The following SAXO1 variants were observed in gnomAD, a reference collection of about 807,000 sequenced individuals.
The protein encoded by SAXO1 is stabilizer of axonemal microtubules 1, also known as 4930500O09Rik.
In SAXO1, 21 loss-of-function variants were observed where a neutral mutation model predicts 17.5. The ratio of observed to expected loss-of-function variants is 1.20; its 90% CI spans 0.85 to 1.72. The LOEUF is 1.72. Among genes scored for constraint, SAXO1 ranks in the 40% most tolerant of loss-of-function variants. SAXO1 has a pLI of 0.00. For synonymous variants in SAXO1, 274 were observed against 216.5 expected (o/e 1.27, Z -2.33); for missense variants, 843 against 596.0 (o/e 1.41, Z -4.32).
chr9:18,972,558 CA>C (rs1481244660), intron 1 of SAXO1, among the ~76,000 whole-genome samples: 1 of 152,028 alleles, frequency 6.6e-6, no homozygotes, highest in Non-Finnish European at 1.5e-5. Context: ...AGAAGGTCTA[CA>C]AAAAAACTCA....
chr9:18,990,441 T>C (rs10757013), intron 1 of SAXO1, among the ~76,000 whole-genome samples: 88,907 of 151,380 alleles, frequency 0.59, 26,206 homozygotes, highest in Non-Finnish European at 0.64. Context: ...CACCGTGGCT[T>C]ATGCCTATAA....
chr9:18,981,445 C>A (rs1293784253), intron 1 of SAXO1, among the ~76,000 whole-genome samples: 2 of 152,200 alleles, frequency 1.3e-5, no homozygotes, highest in East Asian at 3.9e-4. Flanking sequence ...CCCTTACCCC[C>A]TTTTCCAGAG....
In SAXO1 at chr9:19,032,497, G is replaced by A. The variant is rs73435304; in HGVS notation, c.38+374C>T. Among the ~76,000 whole-genome samples, 1,465 of 152,290 alleles carry A rather than the reference G, an allele frequency of 9.6e-3. 25 individuals are homozygous for A. The highest frequency in any genetic ancestry group is 0.033 in the African/African-American group (1,372 of 41,554). The stretch of plus-strand genomic sequence containing the variant: ...AATGAGAAATTCAGTTATACTACAG[G>A]AATTCTCCTCCCATCCTATCACTTT... On this transcript the variant is annotated intron_variant, in intron 1 of 3. Transcript: ENST00000380534.
rs71333077 is a variant in SAXO1, at chr9:19,024,012, CTTTTTTTTTTTT to C, written c.38+8847_38+8858del. ...GAAGAAGAAATGCTACTCTTTAAGG[CTTTTTTTTTTTT>C]TTTTTTTTTTTTTTTTTTGCGGGGG... is the stretch of plus-strand genomic sequence containing the variant. On this transcript the variant is annotated intron_variant, in intron 1 of 3. Transcript: ENST00000380534. Among the ~76,000 whole-genome samples, 269 of 38,128 alleles carry C rather than the reference CTTTTTTTTTTTT, an allele frequency of 7.1e-3. 2 individuals carry two copies. In the South Asian group the frequency reaches 0.083, roughly 12 times the overall value. The allele number at this position is 38,128 out of a possible 152,430, so 25.0% of individuals were successfully genotyped here. A position where few individuals can be genotyped will look rare whatever the true frequency, so the allele number is the denominator to read the frequency against.
chr9:18,946,089 C>A (rs1831781892), intron 2 of SAXO1, among the ~76,000 whole-genome samples: 1 of 151,924 alleles, frequency 6.6e-6, no homozygotes. Flanking sequence ...CCAGCCTGAC[C>A]AACATGGAGA....
intron 1 of SAXO1, among the ~76,000 whole-genome samples, chr9:18,977,490 A>G (rs1262515908): frequency 6.6e-6 from 1 of 152,150 alleles, no homozygotes. Flanking sequence ...ATCATCCAAG[A>G]TCTTTCGTTC....
chr9:19,038,823 A>C (rs1836008956), intron 1 of SAXO1, among the ~76,000 whole-genome samples: 1 of 152,098 alleles, frequency 6.6e-6, no homozygotes, highest in South Asian at 2.1e-4. Context: ...AGGGTGAGGC[A>C]AAGCCTTTAA....
intron 1 of SAXO1, among the ~76,000 whole-genome samples, chr9:19,003,143 A>C (rs904816453): frequency 6.6e-6 from 1 of 152,222 alleles, no homozygotes; most frequent in Non-Finnish European, 1.5e-5. Context: ...CCCATTCACT[A>C]TTACTACAAA....
At chr9:18,964,418 G>A (rs903385030) in intron 1 of SAXO1, among the ~76,000 whole-genome samples, 5 of 152,170 alleles carry the variant, frequency 3.3e-5, no homozygotes, top group Admixed American at 1.3e-4. Flanking sequence ...TTTTTTGGTT[G>A]GTGGACTATT....
intron 1 of SAXO1, chr9:19,028,210 C>G (rs1398859997): frequency 2.9e-6 from 3 of 1,035,190 alleles, no homozygotes; most frequent in East Asian, 2.6e-5. Context: ...TAAAACAAAA[C>G]AAAAAAAATA....
chr9:19,001,914 T>G (rs554598269), intron 1 of SAXO1, among the ~76,000 whole-genome samples: 5 of 142,200 alleles, frequency 3.5e-5, no homozygotes, highest in African/African-American at 1.0e-4. Flanking sequence ...ATGAAGGAGA[T>G]AGAGACACAA....
At chr9:18,982,490 C>T (rs550686240) in intron 1 of SAXO1, among the ~76,000 whole-genome samples, 61 of 152,234 alleles carry the variant, frequency 4.0e-4, no homozygotes, top group African/African-American at 1.4e-3. Flanking sequence ...CAAAAGGACC[C>T]GGGACAAGAG....
chr9:19,030,083 C>T (rs967742014), intron 1 of SAXO1, among the ~76,000 whole-genome samples: 13 of 152,052 alleles, frequency 8.5e-5, no homozygotes, highest in Admixed American at 6.6e-4. Context: ...TGATGGGGAG[C>T]CACAGGGCTG....
At chr9:18,980,916 T>C (rs1296903460) in intron 1 of SAXO1, among the ~76,000 whole-genome samples, 3 of 152,158 alleles carry the variant, frequency 2.0e-5, no homozygotes, top group South Asian at 2.1e-4. Context: ...CTCCATTTTT[T>C]ACATTGTCGG....
Position 18,928,830 on chromosome 9 carries a change from A to T in SAXO1, c.647T>A (p.Val216Glu). ...TGCTTCATGCACAAAGCGCTTCTCC[A>T]CGGGGTGGGCCACATAGCTCATCTT... ...NYKMSYVAHP[V>E]EKRFVHEAEK... is the part of the protein sequence containing the mutation. The change falls in exon 4 of 4, where the codon GTG (valine) becomes GAG (glutamate). Residue 216 changes from valine to glutamate, a missense_variant. By Grantham distance (121) the Val-to-Glu change is moderately radical (BLOSUM62 -2). Coordinates refer to ENST00000380534, the MANE Select transcript of SAXO1 (RefSeq NM_153707.4). The T allele has an allele frequency of 6.2e-7, 1 of 1,614,034 alleles. No individual in the cohort carries two copies.
At chr9:18,938,087 C>T (rs1831372889) in intron 3 of SAXO1, among the ~76,000 whole-genome samples, 1 of 152,148 alleles carries the variant, frequency 6.6e-6, no homozygotes, top group Admixed American at 6.5e-5. Context: ...CTATGCATGC[C>T]TGGTTCTGAG....
At chr9:18,954,070 T>A (rs1832143992) in intron 1 of SAXO1, among the ~76,000 whole-genome samples, 1 of 152,084 alleles carries the variant, frequency 6.6e-6, no homozygotes, top group Admixed American at 6.5e-5. Context: ...CTCAGGTACA[T>A]CCACAGACAT....
intron 1 of SAXO1, among the ~76,000 whole-genome samples, chr9:19,019,852 G>T (rs1835151389): frequency 6.6e-6 from 1 of 152,018 alleles, no homozygotes; most frequent in Admixed American, 6.5e-5. Context: ...ATGGGTCTTG[G>T]TTCCACATTC....
rs995343936 is a variant in SAXO1, at chr9:18,976,260, G to C, written c.39-25323C>G. Among the ~76,000 whole-genome samples, 13 of 152,170 alleles carry C rather than the reference G, an allele frequency of 8.5e-5. No homozygotes were observed. The East Asian group carries it at 2.5e-3, about 29-fold the overall frequency. ...GGACTGGGGTTCATCTCTTCTCTAGGGCTGAAAAACTTGAGGGCTGAAAAA... is the reference window on the plus strand; with the variant it reads ...GGACTGGGGTTCATCTCTTCTCTAGCGCTGAAAAACTTGAGGGCTGAAAAA... On this transcript the variant is annotated intron_variant, in intron 1 of 3. Transcript: ENST00000380534.
Sources: gnomAD v4.1 joint callset for allele counts (sites outside exome capture counted in the v4.1 genomes callset) on GRCh38, gnomAD v4.1.1 for gene constraint, MANE v1.5 for transcripts, NCBI Gene and HGNC (gene_info 2026-07-23, HGNC 2026-07-21) for gene names.